The following RGL1 variants were observed in gnomAD, a reference collection of about 807,000 sequenced individuals.
The protein encoded by RGL1 is ral guanine nucleotide dissociation stimulator-like 1.
In RGL1, 24 loss-of-function variants were observed where a neutral mutation model predicts 95.2. The observed-to-expected ratio is 0.25, with a 90% confidence interval of 0.18 to 0.35. The LOEUF (loss-of-function observed/expected upper bound fraction) is 0.35, where lower values mean the gene tolerates loss of function less well. RGL1 is among the 10% of genes least tolerant of loss of function. RGL1 has a pLI of 1.00. For missense variants in RGL1, 715 were observed against 936.3 expected, an observed-to-expected ratio of 0.76 and a Z score of 3.08; for synonymous variants, 329 against 344.9, an observed-to-expected ratio of 0.95 and a Z score of 0.51.
exon 2 of RGL1, chr1:183,742,226 A>T: frequency 6.2e-7 from 1 of 1,614,154 alleles, no homozygotes; most frequent in Non-Finnish European, 8.5e-7. Context: ...CCAAGGTAGA[A>T]AGCACGGGAC....
chr1:183,837,692 GTTAA>G (rs1421256764), intron 2 of RGL1, among the ~76,000 whole-genome samples: 5 of 152,156 alleles, frequency 3.3e-5, no homozygotes, highest in Non-Finnish European at 7.3e-5. Flanking sequence ...AATGCAACCT[GTTAA>G]TTCATAACGC....
intron 2 of RGL1, among the ~76,000 whole-genome samples, chr1:183,809,727 C>T (rs1460724289): frequency 1.3e-5 from 2 of 152,172 alleles, no homozygotes; most frequent in African/African-American, 4.8e-5. Flanking sequence ...GGCTAATTTG[C>T]TTGAGGCTGG....
At chr1:183,827,560 C>T (rs1256618502) in intron 2 of RGL1, among the ~76,000 whole-genome samples, 3 of 152,116 alleles carry the variant, frequency 2.0e-5, no homozygotes, top group Non-Finnish European at 4.4e-5. Context: ...AGATGCCTGT[C>T]GAATTGCATA....
intron 1 of RGL1, among the ~76,000 whole-genome samples, chr1:183,681,900 T>A (rs1653242474): frequency 6.6e-6 from 1 of 152,222 alleles, no homozygotes; most frequent in South Asian, 2.1e-4. Flanking sequence ...TGGTTTAGTC[T>A]TGGGAGGGTG....
intron 1 of RGL1, among the ~76,000 whole-genome samples, chr1:183,673,798 A>G (rs1323431704): frequency 1.3e-5 from 2 of 152,286 alleles, no homozygotes; most frequent in Admixed American, 1.3e-4. Context: ...TCTTTTCCAG[A>G]TGCCTGCCTA....
intron 1 of RGL1, among the ~76,000 whole-genome samples, chr1:183,723,866 A>G (rs1337735118): frequency 1.3e-5 from 2 of 152,106 alleles, no homozygotes; most frequent in African/African-American, 4.8e-5. Flanking sequence ...CCCCAAACCC[A>G]CGCAGTGCAG....
At position 183,664,953 on chromosome 1, in the gene RGL1, T is replaced by G. The variant is rs577158734; in HGVS notation, c.-33+28452T>G. Among the ~76,000 whole-genome samples the G allele has an allele frequency of 2.0e-5, 3 of 152,322 alleles. No homozygotes were observed. The East Asian group carries it at 5.8e-4, about 29-fold the overall frequency. On this transcript the variant is annotated intron_variant, in intron 1 of 18. Transcript: ENST00000304685. ...AGTGGTAGGAGGGGACATCCTTGCC[T>G]TGTTCCTGATCTTAGTGGGAAAGCT...
chr1:183,735,034 G>T (rs561663746), intron 1 of RGL1, among the ~76,000 whole-genome samples: 63 of 152,118 alleles, frequency 4.1e-4, no homozygotes, highest in Admixed American at 4.1e-3. Context: ...TCCAGGGAGG[G>T]TCACAGGGTA....
chr1:183,646,215 T>C (rs1343445952), intron 1 of RGL1, among the ~76,000 whole-genome samples: 5 of 152,240 alleles, frequency 3.3e-5, no homozygotes, highest in Non-Finnish European at 7.3e-5. Flanking sequence ...ACTCACTATA[T>C]ACCCAGAATA....
chr1:183,663,536 T>C (rs1372633258), intron 1 of RGL1, among the ~76,000 whole-genome samples: 1 of 152,064 alleles, frequency 6.6e-6, no homozygotes, highest in East Asian at 1.9e-4. Flanking sequence ...CCAGTTAGAA[T>C]GGCAATCATT....
intron 2 of RGL1, among the ~76,000 whole-genome samples, chr1:183,797,271 G>T (rs1284976735): frequency 2.0e-5 from 3 of 152,204 alleles, no homozygotes; most frequent in African/African-American, 7.2e-5. Flanking sequence ...GGCAGTTGCA[G>T]TGAGCTGGGA....
intron 1 of RGL1, among the ~76,000 whole-genome samples, chr1:183,691,844 A>T (rs1653961422): frequency 1.3e-5 from 2 of 152,098 alleles, no homozygotes; most frequent in Non-Finnish European, 2.9e-5. Context: ...TTGAATTTTA[A>T]TAGCCTTAAA....
chr1:183,665,302 G>A lies in RGL1; in HGVS notation c.-33+28801G>A, dbSNP rs754137983. ...TTGAATTCAATTTGCTAATACTTTC[G>A]TTGAGAATTTTCACATCTATGTTCA... On this transcript the variant is annotated intron_variant, in intron 1 of 18. Transcript: ENST00000304685. Among the ~76,000 whole-genome samples the A allele has an allele frequency of 2.1e-4, 32 of 152,148 alleles. 1 individual carries two copies. Among genetic ancestry groups the A allele is most frequent in the Admixed American group, 9.8e-4 (15 of 15,288 alleles).
rs1178320352 is a variant in RGL1, at chr1:183,902,561, C to A, written c.1318-7C>A. The A allele has an allele frequency of 3.1e-6, 5 of 1,605,308 alleles. No individual in the cohort carries two copies. Among genetic ancestry groups the A allele is most frequent in the Non-Finnish European group, 8.5e-7 (1 of 1,176,844 alleles). On this transcript the variant is annotated splice_polypyrimidine_tract_variant and splice_region_variant and intron_variant, in intron 11 of 17. Coordinates refer to ENST00000360851, the MANE Select transcript of RGL1 (RefSeq NM_001297671.3). ...TTGCTCACTCTTTTTATTAAAATTT[C>A]TTTTAGGGTGGACTGATAAACTTTG...
intron 4 of RGL1, among the ~76,000 whole-genome samples, chr1:183,875,164 C>CA (rs1489901110): frequency 1.3e-5 from 2 of 152,088 alleles, no homozygotes; most frequent in African/African-American, 4.8e-5. Flanking sequence ...TGATTAAGTA[C>CA]AAAAAATTAT....
chr1:183,858,010 A>G (rs1665264033), intron 3 of RGL1, among the ~76,000 whole-genome samples: 1 of 152,220 alleles, frequency 6.6e-6, no homozygotes, highest in African/African-American at 2.4e-5. Flanking sequence ...TGTTTCCATG[A>G]AGTAGCTTGT....
intron 1 of RGL1, chr1:183,648,795 G>A (rs767739378): frequency 1.9e-6 from 3 of 1,557,160 alleles, no homozygotes; most frequent in Admixed American, 3.9e-5. Flanking sequence ...TAGATTTACT[G>A]TCTTCTAGCT....
At chr1:183,653,434 A>G (rs903878251) in intron 1 of RGL1, 1 of 152,270 alleles carries the variant, frequency 6.6e-6, no homozygotes, top group African/African-American at 2.4e-5. Flanking sequence ...ACAGGACTGC[A>G]TATCCCAGTC....
At chr1:183,766,325 A>C (rs1375658816) in intron 2 of RGL1, among the ~76,000 whole-genome samples, 2 of 151,732 alleles carry the variant, frequency 1.3e-5, no homozygotes. Flanking sequence ...ATCAAAAATC[A>C]CTAGAATGTC....
Sources: gnomAD v4.1 joint callset for allele counts (sites outside exome capture counted in the v4.1 genomes callset) on GRCh38, gnomAD v4.1.1 for gene constraint, MANE v1.5 for transcripts, NCBI Gene and HGNC (gene_info 2026-07-23, HGNC 2026-07-21) for gene names.